STAG1: variants seen among roughly 807,000 people sequenced by gnomAD.
STAG1 encodes STAG1 cohesin complex component.
STAG1 carries 26 observed loss-of-function variants against 170.9 expected under a neutral mutation model. The observed-to-expected ratio is 0.15, with a 90% CI of 0.11 to 0.21. STAG1 has a LOEUF of 0.21. Among genes scored for constraint, STAG1 ranks in the 10% least tolerant of loss-of-function variants. The probability of loss-of-function intolerance (pLI) is 1.00; values close to 1 mark genes in which losing one functional copy is unlikely to be tolerated. For synonymous variants in STAG1, 514 were observed against 497.7 expected (o/e 1.03, Z -0.44); for missense variants, 964 against 1,509.5 (o/e 0.64, Z 5.99).
At chr3:136,725,588 G>A (rs924083293) in intron 1 of STAG1, among the ~76,000 whole-genome samples, 1 of 152,158 alleles carries the variant, frequency 6.6e-6, no homozygotes, top group African/African-American at 2.4e-5. Flanking sequence ...TATGAGAACA[G>A]CCACAAGTAG....
chr3:136,658,600 C>A (rs1941472060), intron 1 of STAG1, among the ~76,000 whole-genome samples: 1 of 152,006 alleles, frequency 6.6e-6, no homozygotes, highest in Admixed American at 6.5e-5. Flanking sequence ...AAGCTACATG[C>A]CTTAGTACTC....
At chr3:136,674,951 T>C (rs1047528422) in intron 1 of STAG1, among the ~76,000 whole-genome samples, 1 of 151,916 alleles carries the variant, frequency 6.6e-6, no homozygotes, top group African/African-American at 2.4e-5. Flanking sequence ...AAGTTGGGGG[T>C]TGGGGGGAGC....
At chr3:136,409,170 A>G (rs1189103312) in intron 21 of STAG1, among the ~76,000 whole-genome samples, 2 of 152,122 alleles carry the variant, frequency 1.3e-5, no homozygotes, top group African/African-American at 4.8e-5. Flanking sequence ...AGGCAGAGGC[A>G]GGAGAATTGG....
At chr3:136,604,518 T>G in intron 3 of STAG1, 45 bp from the exon 4 acceptor site, 2 of 1,520,994 alleles carry the variant, frequency 1.3e-6, no homozygotes, top group Non-Finnish European at 1.8e-6. Context: ...AGGTTTACTT[T>G]GCTTTATATA....
At chr3:136,498,255 C>CATAT (rs1559841885) in intron 9 of STAG1, among the ~76,000 whole-genome samples, 1 of 78,402 alleles carries the variant, frequency 1.3e-5, no homozygotes, top group African/African-American at 6.6e-5. Flanking sequence ...TACATACACA[C>CATAT]ACACACACAC....
At chr3:136,392,897 C>T (rs761935351) in intron 22 of STAG1, among the ~76,000 whole-genome samples, 5 of 151,540 alleles carry the variant, frequency 3.3e-5, no homozygotes, top group Non-Finnish European at 7.4e-5. Context: ...TAAGCATATG[C>T]TGAAGTAGGA....
chr3:136,677,504 T>G (rs986163425), intron 1 of STAG1, among the ~76,000 whole-genome samples: 3 of 152,218 alleles, frequency 2.0e-5, no homozygotes, highest in African/African-American at 7.2e-5. Context: ...GTTGGTATCC[T>G]GCCAGCATTC....
intron 4 of STAG1, among the ~76,000 whole-genome samples, chr3:136,598,811 T>C (rs975988198): frequency 4.6e-5 from 7 of 152,188 alleles, no homozygotes; most frequent in Non-Finnish European, 8.8e-5. Context: ...TTACTGTGTA[T>C]TTCAACATTA....
intron 12 of STAG1, among the ~76,000 whole-genome samples, chr3:136,467,675 G>C (rs982512367): frequency 6.7e-4 from 102 of 152,266 alleles, no homozygotes; most frequent in Middle Eastern, 3.4e-3. Flanking sequence ...GACATCTACA[G>C]AACTCTCCAC....
intron 5 of STAG1, among the ~76,000 whole-genome samples, chr3:136,552,203 A>G (rs748945499): frequency 6.6e-6 from 1 of 152,224 alleles, no homozygotes; most frequent in South Asian, 2.1e-4. Context: ...AGCAGAAATT[A>G]CATTACAACA....
chr3:136,727,460 T>C (rs1933753222), intron 1 of STAG1, among the ~76,000 whole-genome samples: 1 of 152,168 alleles, frequency 6.6e-6, no homozygotes, highest in Non-Finnish European at 1.5e-5. Flanking sequence ...AAAGCCTTAA[T>C]AAAAAGCTTG....
chr3:136,418,645 A>ATT (rs201422799), intron 20 of STAG1, among the ~76,000 whole-genome samples: 103 of 146,822 alleles, frequency 7.0e-4, no homozygotes, highest in African/African-American at 2.3e-3. Flanking sequence ...ATATAATAGT[A>ATT]TTTTTTTTTT....
intron 20 of STAG1, among the ~76,000 whole-genome samples, chr3:136,420,531 A>G (rs984874661): frequency 4.6e-5 from 7 of 152,146 alleles, no homozygotes; most frequent in Admixed American, 3.3e-4. Context: ...GTCAAACACA[A>G]CAATCAGTCA....
chr3:136,560,726 C>G (rs142719262), intron 5 of STAG1, among the ~76,000 whole-genome samples: 1 of 152,246 alleles, frequency 6.6e-6, no homozygotes, highest in African/African-American at 2.4e-5. Flanking sequence ...ACTATGGGTG[C>G]TAATGCAACT....
intron 1 of STAG1, among the ~76,000 whole-genome samples, chr3:136,698,604 T>C (rs1375313396): frequency 6.6e-6 from 1 of 152,046 alleles, no homozygotes; most frequent in Non-Finnish European, 1.5e-5. Flanking sequence ...TAAACAAAAG[T>C]AGAACTACCA....
At chr3:136,574,330 A>ATGTG (rs566732708) in intron 4 of STAG1, among the ~76,000 whole-genome samples, 22 of 150,872 alleles carry the variant, frequency 1.5e-4, no homozygotes, top group Non-Finnish European at 3.0e-4. Flanking sequence ...ATATATATGT[A>ATGTG]TGTGTGTGTG....
intron 21 of STAG1, among the ~76,000 whole-genome samples, chr3:136,400,734 C>T (rs1166570859): frequency 2.0e-5 from 3 of 151,990 alleles, no homozygotes; most frequent in Non-Finnish European, 4.4e-5. Context: ...CAGGGCTTCA[C>T]CATGTTGGCC....
intron 25 of STAG1, among the ~76,000 whole-genome samples, chr3:136,366,132 G>C (rs139748578): frequency 8.2e-4 from 125 of 152,114 alleles, no homozygotes; most frequent in African/African-American, 2.8e-3. Flanking sequence ...TTTGAAGTTA[G>C]ACAAGCCTAA....
chr3:136,590,286 C>CA (rs1248870275), intron 4 of STAG1, among the ~76,000 whole-genome samples: 30 of 151,820 alleles, frequency 2.0e-4, no homozygotes, highest in Admixed American at 2.0e-3. Context: ...AGTTCGAGAC[C>CA]AGTCTGGCCA....
Sources: gnomAD v4.1 joint callset for allele counts (sites outside exome capture counted in the v4.1 genomes callset) on GRCh38, gnomAD v4.1.1 for gene constraint, MANE v1.5 for transcripts, NCBI Gene and HGNC (gene_info 2026-07-23, HGNC 2026-07-21) for gene names.